CCDC73: variants seen among roughly 807,000 people sequenced by gnomAD.
The protein encoded by CCDC73 is coiled-coil domain containing 73.
Under a neutral mutation model 116.5 loss-of-function variants are expected in CCDC73, and 95 were observed. That is an observed-to-expected ratio of 0.82 (90% confidence interval 0.69 to 0.97). CCDC73 has a LOEUF of 0.97. CCDC73 is among the 50% of genes least tolerant of loss of function. CCDC73 has a pLI of 0.00. For missense variants in CCDC73, 1,066 were observed against 1,206.8 expected (o/e 0.88, Z 1.73); for synonymous variants, 398 against 401.3 (o/e 0.99, Z 0.10).
chr11:32,801,791 C>T, the CCDC73 span, among the ~76,000 whole-genome samples: 1 of 152,126 alleles, frequency 6.6e-6, no homozygotes, highest in African/African-American at 2.4e-5. Flanking sequence ...TATGAGACAT[C>T]CACATGGAAA....
chr11:32,829,042 G>T, the CCDC73 span, among the ~76,000 whole-genome samples: 1 of 152,170 alleles, frequency 6.6e-6, no homozygotes, highest in Non-Finnish European at 1.5e-5. Flanking sequence ...TGGAGGATGA[G>T]ACAGGAGGAT....
At chr11:32,654,059 A>T (rs1855850182) in intron 10 of CCDC73, 22 bp from the exon 11 acceptor site, 1 of 1,573,178 alleles carries the variant, frequency 6.4e-7, no homozygotes, top group Non-Finnish European at 8.6e-7. Flanking sequence ...GAATAGTTTT[A>T]AAGTTATGAT....
At chr11:32,678,671 G>A (rs1278227240) in intron 7 of CCDC73, among the ~76,000 whole-genome samples, 1 of 151,958 alleles carries the variant, frequency 6.6e-6, no homozygotes. Flanking sequence ...GGATCACAAG[G>A]TCAGGAGTTC....
rs1850325554 is a variant in CCDC73, at chr11:32,755,536, A to ATATATATAT, written c.135+4572_135+4573insATATATATA. Among the ~76,000 whole-genome samples the ATATATATAT allele has an allele frequency of 1.0e-4, 6 of 59,916 alleles. 1 individual carries two copies. The highest frequency in any genetic ancestry group is 3.8e-4 in the African/African-American group (6 of 15,930). 39.3% of individuals were successfully genotyped at this position (59,916 alleles called of 152,430 possible). A position where few individuals can be genotyped will look rare whatever the true frequency, so the allele number is the denominator to read the frequency against. Reference sequence around the variant, plus strand: ...GTGACAAAGCAAGACTCCATCTCAAAATATATATATATATATATATATATA... The same window carrying ATATATATAT: ...GTGACAAAGCAAGACTCCATCTCAAATATATATATATATATATATATATATATATATATA... On this transcript the variant is annotated intron_variant, in intron 2 of 17. Coordinates refer to ENST00000335185, the MANE Select transcript of CCDC73 (RefSeq NM_001008391.4).
At chr11:32,643,554 G>A (rs1590564295) in intron 12 of CCDC73, among the ~76,000 whole-genome samples, 1 of 152,042 alleles carries the variant, frequency 6.6e-6, no homozygotes, top group Non-Finnish European at 1.5e-5. Context: ...GCATCTTTCT[G>A]CACTGACTAG....
chr11:32,640,267 T>C (rs1339525734), intron 13 of CCDC73, among the ~76,000 whole-genome samples: 1 of 152,202 alleles, frequency 6.6e-6, no homozygotes, highest in Admixed American at 6.5e-5. Context: ...ACCGACTTTA[T>C]CCACATTTAT....
rs933291186 is a variant in CCDC73 at position 32,614,011 on chromosome 11, G to A, written c.2307C>T (p.Asn769=). The change falls in exon 16 of 18, where the codon AAC becomes AAT. Residue 769 remains asparagine, a synonymous_variant. Coordinates refer to ENST00000335185, the MANE Select transcript of CCDC73 (RefSeq NM_001008391.4). ...GAAGATGGGAAATGTTCACATTAGTGTTTTCTAAGTATCCCAAACAGTTAT... is the reference window on the plus strand; with the variant it reads ...GAAGATGGGAAATGTTCACATTAGTATTTTCTAAGTATCCCAAACAGTTAT... ...QFNNCLGYLE[N]TNVNISHLHL... is the part of the protein sequence containing the mutation. 2 of 1,611,320 alleles carry A rather than the reference G, an allele frequency of 1.2e-6. No individual in the cohort carries two copies. The highest frequency in any genetic ancestry group is 1.7e-6 in the Non-Finnish European group (2 of 1,179,616).
At chr11:32,624,755 C>A (rs983833632) in intron 14 of CCDC73, among the ~76,000 whole-genome samples, 7 of 152,284 alleles carry the variant, frequency 4.6e-5, no homozygotes, top group Non-Finnish European at 7.3e-5. Context: ...TTCACAATAG[C>A]AAAGACTTGG....
chr11:32,806,852 A>C, the CCDC73 span, among the ~76,000 whole-genome samples: 1 of 152,136 alleles, frequency 6.6e-6, no homozygotes, highest in Non-Finnish European at 1.5e-5. Context: ...GAATTTGAAA[A>C]AGCATCTGTT....
chr11:32,710,504 T>C (rs1849889718), intron 3 of CCDC73, among the ~76,000 whole-genome samples: 1 of 152,208 alleles, frequency 6.6e-6, no homozygotes, highest in Non-Finnish European at 1.5e-5. Context: ...TGAGGGTTCC[T>C]TTTGGAGTTG....
At chr11:32,798,498 G>T (rs1850741859), upstream of CCDC73, among the ~76,000 whole-genome samples, 1 of 152,176 alleles carries the variant, frequency 6.6e-6, no homozygotes, top group Admixed American at 6.5e-5. Flanking sequence ...AGAGACAGGG[G>T]TCTCCCTGTG....
At chr11:32,635,585 T>C (rs1855669786) in intron 14 of CCDC73, 111 bp downstream of exon 14, 5 of 980,870 alleles carry the variant, frequency 5.1e-6, no homozygotes, top group Non-Finnish European at 5.2e-6. Context: ...CATATGCATA[T>C]ACTCATTTTT....
In CCDC73 at chr11:32,767,548, G is replaced by A. The variant is rs953294978; in HGVS notation, c.-15-7290C>T. On this transcript the variant is annotated intron_variant, in intron 1 of 17. Coordinates refer to ENST00000335185, the MANE Select transcript of CCDC73 (RefSeq NM_001008391.4). ...AGTGAACAGGCAACCTACAGAATGG[G>A]AGAAAATTTTTGCAATCTACTCATC... 2.3e-3 allele frequency among the ~76,000 whole-genome samples: 345 copies of A among 152,154 alleles called. 1 individual carries two copies. The highest frequency in any genetic ancestry group is 0.014 in the Middle Eastern group (4 of 294).
At chr11:32,617,942 T>C (rs1027863342) in intron 14 of CCDC73, among the ~76,000 whole-genome samples, 8 of 152,198 alleles carry the variant, frequency 5.3e-5, no homozygotes, top group African/African-American at 1.9e-4. Context: ...CATGGCTATA[T>C]TGCATGATGC....
chr11:32,773,886 C>T (rs1850510913), intron 1 of CCDC73, among the ~76,000 whole-genome samples: 1 of 152,056 alleles, frequency 6.6e-6, no homozygotes, highest in African/African-American at 2.4e-5. Flanking sequence ...GGGTTCACCT[C>T]CCTAATGTCA....
At chr11:32,655,071 T>TAC in intron 9 of CCDC73, 99 bp from the exon 10 acceptor site, 1 of 160,286 alleles carries the variant, frequency 6.2e-6, no homozygotes. Flanking sequence ...AAGCCTATAA[T>TAC]TATAATTTGT....
At chr11:32,622,305 T>C (rs1855529161) in intron 14 of CCDC73, among the ~76,000 whole-genome samples, 1 of 152,126 alleles carries the variant, frequency 6.6e-6, no homozygotes. Flanking sequence ...GTGGTGGATA[T>C]ACACCATGTA....
chr11:32,620,435 C>A (rs1166860859), intron 14 of CCDC73, among the ~76,000 whole-genome samples: 1 of 151,476 alleles, frequency 6.6e-6, no homozygotes, highest in Non-Finnish European at 1.5e-5. Flanking sequence ...AGGTGAAACC[C>A]CGTTTCTACT....
At position 32,614,709 on chromosome 11, in the gene CCDC73, G is replaced by A; in HGVS notation, c.1609C>T (p.His537Tyr). Reference sequence around the variant, plus strand: ...ATTGCTGTATCTAACACTACAAAATGATTATTTGGTGATTTAAATTCTGTA... The same window carrying A: ...ATTGCTGTATCTAACACTACAAAATAATTATTTGGTGATTTAAATTCTGTA... ...GCTEFKSPNN[H>Y]FVVLDTAIET... Residue 537 changes from histidine (H) to tyrosine (Y), a missense_variant, in exon 16 of 18, where the codon CAT (histidine) becomes TAT (tyrosine). By Grantham distance (83) the His-to-Tyr change is moderately conservative. Coordinates refer to ENST00000335185, the MANE Select transcript of CCDC73 (RefSeq NM_001008391.4). 1 of 1,610,482 alleles carries A rather than the reference G, an allele frequency of 6.2e-7. No individual in the cohort carries two copies. Among genetic ancestry groups the A allele is most frequent in the Non-Finnish European group, 8.5e-7 (1 of 1,177,276 alleles).
Sources: gnomAD v4.1 joint callset for allele counts (sites outside exome capture counted in the v4.1 genomes callset) on GRCh38, gnomAD v4.1.1 for gene constraint, MANE v1.5 for transcripts, NCBI Gene and HGNC (gene_info 2026-07-23, HGNC 2026-07-21) for gene names.